Variants in PCDH15 observed in about 807,000 individuals in gnomAD.
The protein encoded by PCDH15 is protocadherin-15.
PCDH15 carries 129 observed loss-of-function variants against 178.5 expected under a neutral mutation model. The ratio of observed to expected loss-of-function variants is 0.72; its 90% CI spans 0.63 to 0.84. The LOEUF is 0.84. Among genes scored for constraint, PCDH15 ranks in the 40% least tolerant of loss-of-function variants. The pLI, the probability that PCDH15 is intolerant of heterozygous loss-of-function variation, is 0.00. For synonymous variants in PCDH15, 800 were observed against 732.0 expected, an observed-to-expected ratio of 1.09 and a Z score of -1.50; for missense variants, 2,230 against 2,099.9, an observed-to-expected ratio of 1.06 and a Z score of -1.21.
chr10:55,346,771 G>A (rs1480352018), intron 2 of PCDH15, among the ~76,000 whole-genome samples: 1 of 151,436 alleles, frequency 6.6e-6, no homozygotes, highest in Non-Finnish European at 1.5e-5. Context: ...ATTTCTTGCA[G>A]ACAGGAGCAT....
chr10:55,343,990 A>C (rs1844673590), intron 2 of PCDH15, among the ~76,000 whole-genome samples: 3 of 152,080 alleles, frequency 2.0e-5, no homozygotes, highest in Non-Finnish European at 4.4e-5. Context: ...GATAAAGAGG[A>C]GGTGTTATAA....
chr10:53,809,569 TGAA>T (rs915797370), intron 37 of PCDH15: 8 of 1,600,574 alleles, frequency 5.0e-6, no homozygotes. Context: ...AAAATGCAAT[TGAA>T]GTGTCAGCTT....
intron 2 of PCDH15, among the ~76,000 whole-genome samples, chr10:54,654,645 C>G (rs1158154304): frequency 6.6e-6 from 1 of 152,140 alleles, no homozygotes. Flanking sequence ...AAGAAAAACT[C>G]TATTATGAAT....
chr10:53,807,246 C>T (rs1322164367), intron 37 of PCDH15, 116 bp from the exon 38 acceptor site: 3 of 823,910 alleles, frequency 3.6e-6, no homozygotes, highest in Non-Finnish European at 5.5e-6. Flanking sequence ...AGGTAAATCA[C>T]TCAAGAGAGA....
At chr10:54,657,958 A>G (rs1291951187) in intron 2 of PCDH15, among the ~76,000 whole-genome samples, 1 of 152,210 alleles carries the variant, frequency 6.6e-6, no homozygotes, top group Non-Finnish European at 1.5e-5. Flanking sequence ...AAATAGCTAT[A>G]TTAGAAAATA....
chr10:54,402,097 A>G (rs1952003717), intron 3 of PCDH15, among the ~76,000 whole-genome samples: 1 of 151,912 alleles, frequency 6.6e-6, no homozygotes, highest in Admixed American at 6.6e-5. Context: ...AATGTATAAA[A>G]TACATAAAAT....
chr10:54,651,685 C>T (rs556142512), intron 2 of PCDH15, among the ~76,000 whole-genome samples: 127 of 152,262 alleles, frequency 8.3e-4, no homozygotes, highest in African/African-American at 2.8e-3. Flanking sequence ...ATCTGTGATA[C>T]ATATCTTCTT....
At chr10:55,341,631 G>A (rs1477880539) in intron 2 of PCDH15, among the ~76,000 whole-genome samples, 1 of 146,326 alleles carries the variant, frequency 6.8e-6, no homozygotes. Flanking sequence ...GTGCACTGAC[G>A]CGATCTTGGC....
At chr10:54,232,207 T>C (rs1026455152) in intron 9 of PCDH15, among the ~76,000 whole-genome samples, 12 of 152,130 alleles carry the variant, frequency 7.9e-5, no homozygotes, top group Non-Finnish European at 1.8e-4. Flanking sequence ...CTGGTGACAG[T>C]GGTGTCAGTG....
At chr10:54,669,162 A>T (rs1294507566) in intron 1 of PCDH15, among the ~76,000 whole-genome samples, 1 of 152,120 alleles carries the variant, frequency 6.6e-6, no homozygotes, top group Non-Finnish European at 1.5e-5. Context: ...GCATGGTGGT[A>T]AATATTAATA....
At chr10:54,796,217 C>A (rs1951940109) in intron 1 of PCDH15, among the ~76,000 whole-genome samples, 1 of 135,956 alleles carries the variant, frequency 7.4e-6, no homozygotes, top group Non-Finnish European at 1.6e-5. Context: ...CTCTGTCTTT[C>A]TACATTATCT....
intron 2 of PCDH15, among the ~76,000 whole-genome samples, chr10:54,632,356 A>T (rs2093726815): frequency 6.6e-6 from 1 of 152,072 alleles, no homozygotes; most frequent in Non-Finnish European, 1.5e-5. Flanking sequence ...AAGTGATGGG[A>T]TCAATCATAC....
chr10:55,419,831 T>G (rs530595583), intron 2 of PCDH15, among the ~76,000 whole-genome samples: 7 of 151,808 alleles, frequency 4.6e-5, no homozygotes, highest in African/African-American at 1.7e-4. Context: ...TATACTATAG[T>G]GCATTTTATT....
At chr10:55,483,418 T>C (rs1242078063) in intron 2 of PCDH15, among the ~76,000 whole-genome samples, 1 of 151,734 alleles carries the variant, frequency 6.6e-6, no homozygotes, top group Non-Finnish European at 1.5e-5. Context: ...AGCCACAATG[T>C]GATGCCATCT....
At chr10:54,079,721 G>C (rs1409618765) in intron 16 of PCDH15, among the ~76,000 whole-genome samples, 1 of 152,046 alleles carries the variant, frequency 6.6e-6, no homozygotes, top group African/African-American at 2.4e-5. Context: ...TATCTATCTT[G>C]TTTTCGATTA....
chr10:54,999,301 A>G (rs898841794), intron 2 of PCDH15, among the ~76,000 whole-genome samples: 19 of 72,982 alleles, frequency 2.6e-4, no homozygotes, highest in African/African-American at 8.0e-4. Flanking sequence ...AAATAAATAA[A>G]GAAAATTTTT....
At chr10:54,708,779 CGTGTGTGT>C (rs145197882) in intron 1 of PCDH15, among the ~76,000 whole-genome samples, 1 of 150,368 alleles carries the variant, frequency 6.7e-6, no homozygotes, top group African/African-American at 2.5e-5. Context: ...GCCAGAATAA[CGTGTGTGT>C]GTGTGTGTGT....
chr10:55,524,840 A>T (rs1010936523), intron 2 of PCDH15, among the ~76,000 whole-genome samples: 2 of 151,306 alleles, frequency 1.3e-5, no homozygotes, highest in Admixed American at 1.3e-4. Context: ...AAATAACAAA[A>T]TAAATTTAAA....
chr10:53,926,140 C>T (rs924805443), intron 25 of PCDH15, among the ~76,000 whole-genome samples: 1 of 152,154 alleles, frequency 6.6e-6, no homozygotes, highest in Non-Finnish European at 1.5e-5. Context: ...ATATTTTCCT[C>T]CTCTCACTGG....
Sources: gnomAD v4.1 joint callset for allele counts (sites outside exome capture counted in the v4.1 genomes callset) on GRCh38, gnomAD v4.1.1 for gene constraint, MANE v1.5 for transcripts, NCBI Gene and HGNC (gene_info 2026-07-23, HGNC 2026-07-21) for gene names.